Variants in C12orf42 observed in about 807,000 individuals in gnomAD.
C12orf42 encodes the protein uncharacterized protein C12orf42.
Under a neutral mutation model 21.6 loss-of-function variants are expected in C12orf42, and 25 were observed. The observed-to-expected ratio is 1.16, with a 90% CI of 0.84 to 1.62. The LOEUF is 1.62. Among genes scored for constraint, C12orf42 ranks in the 40% most tolerant of loss-of-function variants. C12orf42 has a pLI of 0.00. For synonymous variants in C12orf42, 174 were observed against 175.0 expected (o/e 0.99, Z 0.05); for missense variants, 483 against 459.3 (o/e 1.05, Z -0.47).
At chr12:103,127,599 A>T in the C12orf42 span, among the ~76,000 whole-genome samples, 1 of 152,164 alleles carries the variant, frequency 6.6e-6, no homozygotes, top group South Asian at 2.1e-4. Context: ...TTAGCTCTTC[A>T]ATCAGTGGAC....
At chr12:103,517,291 C>G in the C12orf42 span, among the ~76,000 whole-genome samples, 1 of 152,118 alleles carries the variant, frequency 6.6e-6, no homozygotes, top group South Asian at 2.1e-4. Flanking sequence ...GCTAGTCAAA[C>G]GAGTTTAGGA....
downstream of C12orf42, among the ~76,000 whole-genome samples, chr12:103,301,659 C>A (rs2037659544): frequency 6.6e-6 from 1 of 152,156 alleles, no homozygotes; most frequent in Non-Finnish European, 1.5e-5. Context: ...AATCAAATTT[C>A]ATGTAAATTA....
chr12:103,145,648 A>C, the C12orf42 span, among the ~76,000 whole-genome samples: 24 of 152,214 alleles, frequency 1.6e-4, no homozygotes, highest in Admixed American at 1.3e-4. Context: ...GGGAAAAAAT[A>C]GTGTAAACAC....
At chr12:103,256,193 CAT>C (rs201578668) in intron 10 of C12orf42, among the ~76,000 whole-genome samples, 7 of 134,152 alleles carry the variant, frequency 5.2e-5, no homozygotes, top group African/African-American at 1.1e-4. Context: ...TATATATACA[CAT>C]ATATATATAT....
the C12orf42 span, among the ~76,000 whole-genome samples, chr12:103,129,456 C>G: frequency 2.0e-5 from 3 of 152,116 alleles, no homozygotes; most frequent in African/African-American, 7.2e-5. Context: ...GGTGGGGTTT[C>G]CTTGGATTTA....
chr12:103,073,276 T>C, the C12orf42 span, among the ~76,000 whole-genome samples: 2 of 152,190 alleles, frequency 1.3e-5, no homozygotes, highest in Non-Finnish European at 2.9e-5. Context: ...CAAACCCCCA[T>C]GACACAAGTT....
At chr12:103,486,848 T>C (rs1243827036) in intron 1 of C12orf42, among the ~76,000 whole-genome samples, 1 of 152,220 alleles carries the variant, frequency 6.6e-6, no homozygotes. Flanking sequence ...GATTCTTCTC[T>C]CTTTTCTTAT....
intron 1 of C12orf42, among the ~76,000 whole-genome samples, chr12:103,479,457 G>C (rs1362324573): frequency 6.6e-6 from 1 of 152,060 alleles, no homozygotes; most frequent in Admixed American, 6.6e-5. Flanking sequence ...TCATGAATCA[G>C]AGCCCCCAAA....
At chr12:103,111,188 C>T in the C12orf42 span, among the ~76,000 whole-genome samples, 3 of 152,060 alleles carry the variant, frequency 2.0e-5, no homozygotes, top group African/African-American at 7.2e-5. Context: ...GAAAATGAAA[C>T]ATTAAAAAAT....
At chr12:103,258,845 T>C (rs1293214617) in intron 10 of C12orf42, among the ~76,000 whole-genome samples, 1 of 152,184 alleles carries the variant, frequency 6.6e-6, no homozygotes, top group Non-Finnish European at 1.5e-5. Flanking sequence ...TGGAGAATTA[T>C]ACTATGTTCA....
chr12:103,325,521 C>T (rs761309588), intron 4 of C12orf42, among the ~76,000 whole-genome samples: 6 of 152,182 alleles, frequency 3.9e-5, no homozygotes, highest in Non-Finnish European at 8.8e-5. Flanking sequence ...CCAGTATTCT[C>T]GATGACAAGA....
At chr12:103,273,641 T>C (rs376174420) in intron 5 of C12orf42, among the ~76,000 whole-genome samples, 1 of 152,116 alleles carries the variant, frequency 6.6e-6, no homozygotes, top group East Asian at 1.9e-4. Context: ...TACAGGATGT[T>C]TTGTCTAAAG....
intron 3 of C12orf42, among the ~76,000 whole-genome samples, chr12:103,374,891 C>T (rs1352812644): frequency 6.6e-6 from 1 of 152,170 alleles, no homozygotes; most frequent in African/African-American, 2.4e-5. Context: ...CTGATAAGGA[C>T]AATGCTCACT....
At chr12:103,546,649 AAGAT>A in the C12orf42 span, among the ~76,000 whole-genome samples, 1 of 152,250 alleles carries the variant, frequency 6.6e-6, no homozygotes, top group Admixed American at 6.5e-5. Context: ...TTGAAGCTTG[AAGAT>A]ACTAAAACTT....
chr12:103,156,649 C>T, the C12orf42 span, among the ~76,000 whole-genome samples: 1 of 152,034 alleles, frequency 6.6e-6, no homozygotes, highest in East Asian at 1.9e-4. Flanking sequence ...CACAACAGGC[C>T]CTTGTGTGTG....
chr12:103,345,670 T>C (rs561248954), intron 4 of C12orf42, among the ~76,000 whole-genome samples: 1 of 152,190 alleles, frequency 6.6e-6, no homozygotes, highest in African/African-American at 2.4e-5. Context: ...CATTTTAAAC[T>C]TATTCATGAA....
chr12:103,323,036 G>A (rs2040339583), intron 4 of C12orf42, among the ~76,000 whole-genome samples: 1 of 152,092 alleles, frequency 6.6e-6, no homozygotes, highest in Non-Finnish European at 1.5e-5. Flanking sequence ...AGAAATTAAG[G>A]CTGCCCAACT....
intron 1 of C12orf42, among the ~76,000 whole-genome samples, chr12:103,493,708 G>T (rs1955328144): frequency 1.1e-5 from 1 of 94,806 alleles, no homozygotes; most frequent in Non-Finnish European, 2.1e-5. Flanking sequence ...AAAAGCAAAA[G>T]CCAAAAGGGG....
At chr12:103,530,216 T>C in the C12orf42 span, among the ~76,000 whole-genome samples, 1 of 152,196 alleles carries the variant, frequency 6.6e-6, no homozygotes, top group Non-Finnish European at 1.5e-5. Context: ...TATCAGGAAG[T>C]ATCTGCAGAG....
Sources: gnomAD v4.1 joint callset for allele counts (sites outside exome capture counted in the v4.1 genomes callset) on GRCh38, gnomAD v4.1.1 for gene constraint, MANE v1.5 for transcripts, NCBI Gene and HGNC (gene_info 2026-07-23, HGNC 2026-07-21) for gene names.